Variants in SMYD3 observed in about 807,000 individuals in gnomAD.
SMYD3 encodes the protein histone-lysine N-methyltransferase SMYD3.
In SMYD3, 36 loss-of-function variants were observed where a neutral mutation model predicts 57.7. The observed-to-expected ratio is 0.62, with a 90% CI of 0.48 to 0.82. SMYD3 has a LOEUF of 0.82. Among genes scored for constraint, SMYD3 ranks in the 40% least tolerant of loss-of-function variants. SMYD3 has a pLI of 0.00. For synonymous variants in SMYD3, 211 were observed against 195.0 expected, an observed-to-expected ratio of 1.08 and a Z score of -0.68; for missense variants, 515 against 538.8, an observed-to-expected ratio of 0.96 and a Z score of 0.44.
At chr1:246,348,071 T>TACACAC (rs144305483) in intron 2 of SMYD3, among the ~76,000 whole-genome samples, 1 of 120,816 alleles carries the variant, frequency 8.3e-6, no homozygotes, top group African/African-American at 3.0e-5. Context: ...TATATATATA[T>TACACAC]ATATATACAC....
At chr1:246,272,549 T>C (rs2064242130) in intron 5 of SMYD3, among the ~76,000 whole-genome samples, 1 of 152,206 alleles carries the variant, frequency 6.6e-6, no homozygotes, top group South Asian at 2.1e-4. Context: ...CGTGGGGTTT[T>C]TTTCCCCCTA....
chr1:245,870,500 C>T (rs1572556786), intron 8 of SMYD3, among the ~76,000 whole-genome samples: 1 of 152,128 alleles, frequency 6.6e-6, no homozygotes, highest in Non-Finnish European at 1.5e-5. Flanking sequence ...AGAGGTCCCT[C>T]GCTCCATCTA....
At chr1:246,209,669 G>A (rs780511642) in intron 5 of SMYD3, among the ~76,000 whole-genome samples, 11 of 152,030 alleles carry the variant, frequency 7.2e-5, no homozygotes, top group South Asian at 2.1e-4. Context: ...TGAAATTTCC[G>A]TCTTAGTGGT....
intron 10 of SMYD3, among the ~76,000 whole-genome samples, chr1:245,777,579 CA>C (rs2046657037): frequency 6.6e-6 from 1 of 152,024 alleles, no homozygotes; most frequent in Non-Finnish European, 1.5e-5. Context: ...AAGGGAGACC[CA>C]AAAGAACCTC....
At chr1:245,819,134 A>C (rs2049015920) in intron 10 of SMYD3, among the ~76,000 whole-genome samples, 1 of 144,408 alleles carries the variant, frequency 6.9e-6, no homozygotes, top group Admixed American at 7.0e-5. Context: ...AATTGATCAC[A>C]TAGTTGGAAG....
At position 245,817,299 on chromosome 1, in the gene SMYD3, C is replaced by G. The variant is rs796663336; in HGVS notation, c.1076+41197G>C. Reference sequence around the variant, plus strand: ...CCAGCAGGGGCACACTGACACCTCACATGGCAGGGTATTCCAACAGCCCTG... The same window carrying G: ...CCAGCAGGGGCACACTGACACCTCAGATGGCAGGGTATTCCAACAGCCCTG... On this transcript the variant is annotated intron_variant, in intron 10 of 11. Coordinates refer to ENST00000490107, the MANE Select transcript of SMYD3 (RefSeq NM_001167740.2). Among the ~76,000 whole-genome samples, 5 of 143,164 alleles carry G rather than the reference C, an allele frequency of 3.5e-5. No individual in the cohort carries two copies. The East Asian group carries it at 6.2e-4, about 18-fold the overall frequency. 93.9% of individuals were successfully genotyped at this position (143,164 alleles called of 152,430 possible). A position where few individuals can be genotyped will look rare whatever the true frequency, so the allele number is the denominator to read the frequency against.
chr1:246,161,408 G>C (rs1558278745), intron 5 of SMYD3, among the ~76,000 whole-genome samples: 1 of 152,032 alleles, frequency 6.6e-6, no homozygotes, highest in African/African-American at 2.4e-5. Flanking sequence ...CTCTCTTCCA[G>C]GCTGAACCCG....
At chr1:246,103,165 G>C (rs1257318387) in intron 5 of SMYD3, among the ~76,000 whole-genome samples, 2 of 152,116 alleles carry the variant, frequency 1.3e-5, no homozygotes, top group African/African-American at 4.8e-5. Context: ...TCAAACATGA[G>C]AACTAAAGGT....
intron 5 of SMYD3, among the ~76,000 whole-genome samples, chr1:246,233,972 A>G (rs1444090020): frequency 8.0e-5 from 10 of 125,458 alleles, no homozygotes; most frequent in East Asian, 3.6e-4. Context: ...GAGGAGAAGC[A>G]CTCCTTCAAT....
chr1:246,255,297 CTTATTATTTGATGGA>C (rs1251271588), intron 5 of SMYD3, among the ~76,000 whole-genome samples: 3 of 115,348 alleles, frequency 2.6e-5, no homozygotes, highest in Admixed American at 2.3e-4. Flanking sequence ...TTTGATGGAT[CTTATTATTTGATGGA>C]TCTTATTATA....
At chr1:246,128,373 T>C (rs1356161988) in intron 5 of SMYD3, among the ~76,000 whole-genome samples, 1 of 152,234 alleles carries the variant, frequency 6.6e-6, no homozygotes. Context: ...CTGTTCACTA[T>C]ACAGTCCAGC....
intron 1 of SMYD3, among the ~76,000 whole-genome samples, chr1:246,367,035 ATAAT>A (rs1227661402): frequency 6.6e-6 from 1 of 152,154 alleles, no homozygotes; most frequent in African/African-American, 2.4e-5. Context: ...AATCAAAAAC[ATAAT>A]TAATTAGCAG....
chr1:245,982,103 G>A (rs2058609915), intron 5 of SMYD3, among the ~76,000 whole-genome samples: 1 of 152,240 alleles, frequency 6.6e-6, no homozygotes, highest in Admixed American at 6.5e-5. Flanking sequence ...TCTTTAAAGA[G>A]GTGGGAGTTT....
chr1:246,346,880 A>T (rs895027219), intron 2 of SMYD3, among the ~76,000 whole-genome samples: 3 of 152,244 alleles, frequency 2.0e-5, no homozygotes, highest in Non-Finnish European at 4.4e-5. Context: ...GAATTATCAG[A>T]CTAGGAATTT....
chr1:246,137,764 G>A (rs905643027), intron 5 of SMYD3, among the ~76,000 whole-genome samples: 4 of 152,248 alleles, frequency 2.6e-5, no homozygotes, highest in South Asian at 2.1e-4. Flanking sequence ...GTCCCTGGGC[G>A]GAAGTAGCGG....
intron 5 of SMYD3, among the ~76,000 whole-genome samples, chr1:245,955,078 T>C (rs1394489103): frequency 6.6e-6 from 1 of 152,008 alleles, no homozygotes; most frequent in Non-Finnish European, 1.5e-5. Context: ...CCAAGTCAGG[T>C]TGTGGGCCCA....
chr1:245,796,666 C>T lies in SMYD3; in HGVS notation c.1077-32517G>A, dbSNP rs2047534458. Among the ~76,000 whole-genome samples the T allele has an allele frequency of 2.0e-5, 3 of 152,192 alleles. No homozygotes were observed. The South Asian group carries it at 6.2e-4, about 31-fold the overall frequency. ...AAATTCAAAATCAGTGAGGCCAGAT[C>T]AATGAAATTTGATACGCACAAAACT... On this transcript the variant is annotated intron_variant, in intron 10 of 11. Coordinates refer to ENST00000490107, the MANE Select transcript of SMYD3 (RefSeq NM_001167740.2).
intron 8 of SMYD3, among the ~76,000 whole-genome samples, chr1:245,867,667 C>T (rs1031404301): frequency 1.6e-4 from 17 of 104,728 alleles, no homozygotes; most frequent in African/African-American, 6.6e-4. Context: ...TGCGTGCGCG[C>T]GCACACACAC....
rs1395235497 is a variant in SMYD3, at chr1:245,968,112, T to C, written c.532-38175A>G. On this transcript the variant is annotated intron_variant, in intron 5 of 11. Coordinates refer to ENST00000490107, the MANE Select transcript of SMYD3 (RefSeq NM_001167740.2). The stretch of plus-strand genomic sequence containing the variant: ...ACTCGCTGACAGTTTATATAGATAA[T>C]GCTACTTCCCCCTCAATTTATCTCT... Among the ~76,000 whole-genome samples, 3 of 152,130 alleles carry C rather than the reference T, an allele frequency of 2.0e-5. No individual in the cohort carries two copies. In the East Asian group the frequency reaches 5.8e-4, roughly 29 times the overall value.
Sources: gnomAD v4.1 joint callset for allele counts (sites outside exome capture counted in the v4.1 genomes callset) on GRCh38, gnomAD v4.1.1 for gene constraint, MANE v1.5 for transcripts, NCBI Gene and HGNC (gene_info 2026-07-23, HGNC 2026-07-21) for gene names.